POC1A: variants seen among roughly 807,000 people sequenced by gnomAD.
The protein encoded by POC1A is POC1 centriolar protein A, also known as POC1 centriolar protein homolog A.
Under a neutral mutation model 47.8 loss-of-function variants are expected in POC1A, and 34 were observed. The observed-to-expected ratio is 0.71, with a 90% CI of 0.54 to 0.95. POC1A has a LOEUF of 0.95. POC1A is among the 40% of genes least tolerant of loss of function. The pLI, the probability that POC1A is intolerant of heterozygous loss-of-function variation, is 0.00. For missense variants in POC1A, 466 were observed against 528.3 expected, an observed-to-expected ratio of 0.88 and a Z score of 1.16; for synonymous variants, 177 against 207.6, an observed-to-expected ratio of 0.85 and a Z score of 1.27.
chr3:52,139,826 G>A (rs771500476), intron 6 of POC1A, among the ~76,000 whole-genome samples: 21 of 152,194 alleles, frequency 1.4e-4, no homozygotes, highest in Non-Finnish European at 2.6e-4. Context: ...GCATGTTCTA[G>A]GTGAAGCTGG....
Position 52,109,547 on chromosome 3 carries a change from G to A in POC1A, c.981+12832C>T, listed in dbSNP as rs573856190. ...GAAAGGAGCTGCGGAGCTGATCCAA[G>A]GCAAGTGGGACTCCAAGAGGAAGCT... On this transcript the variant is annotated intron_variant, in intron 9 of 10. Coordinates refer to ENST00000296484, the MANE Select transcript of POC1A (RefSeq NM_015426.5). 5.5e-4 allele frequency among the ~76,000 whole-genome samples: 84 copies of A among 152,082 alleles called. 2 individuals are homozygous for A. The South Asian group carries it at 0.017, about 30-fold the overall frequency.
intron 7 of POC1A, among the ~76,000 whole-genome samples, chr3:52,137,648 G>A (rs1057422342): frequency 1.3e-5 from 2 of 152,150 alleles, no homozygotes; most frequent in South Asian, 2.1e-4. Context: ...CCAGGGAACC[G>A]GCTGCTTTGA....
At chr3:52,118,128 T>C (rs923243849) in intron 9 of POC1A, among the ~76,000 whole-genome samples, 15 of 152,054 alleles carry the variant, frequency 9.9e-5, no homozygotes, top group African/African-American at 3.1e-4. Flanking sequence ...CTCAAGCCCC[T>C]CTGGGAGGTG....
At chr3:52,106,075 G>T (rs937982641) in intron 9 of POC1A, among the ~76,000 whole-genome samples, 1 of 149,984 alleles carries the variant, frequency 6.7e-6, no homozygotes, top group Non-Finnish European at 1.5e-5. Context: ...GGCGCCTGTA[G>T]TCCCACCTAC....
At chr3:52,078,100 C>G (rs1702173621) in intron 10 of POC1A, among the ~76,000 whole-genome samples, 1 of 152,142 alleles carries the variant, frequency 6.6e-6, no homozygotes, top group East Asian at 1.9e-4. Context: ...TTTTATGAGG[C>G]CCAACACCCC....
intron 3 of POC1A, 125 bp from the exon 4 acceptor site, chr3:52,149,514 T>C: frequency 2.4e-6 from 2 of 838,448 alleles, no homozygotes; most frequent in Non-Finnish European, 1.9e-6. Context: ...AGTACCCCAG[T>C]CTCCACAAGG....
Position 52,127,699 on chromosome 3 carries a change from C to CT in POC1A, c.814-2519dup, listed in dbSNP as rs1270637480. Among the ~76,000 whole-genome samples, 582 of 141,702 alleles carry CT rather than the reference C, an allele frequency of 4.1e-3. 1 individual carries two copies. Among genetic ancestry groups the CT allele is most frequent in the South Asian group, 0.013 (60 of 4,460 alleles). The allele number at this position is 141,702 out of a possible 152,430, so 93.0% of individuals were successfully genotyped here. On this transcript the variant is annotated intron_variant, in intron 7 of 10. Transcript: ENST00000296484. ...TGGGCCACTGCACCCAGTCACAAAC[C>CT]TTTTTTTTTTTTTTGAGACAAAGTC... is the stretch of plus-strand genomic sequence containing the variant.
At chr3:52,148,648 C>A (rs1005532066) in intron 4 of POC1A, among the ~76,000 whole-genome samples, 1 of 152,226 alleles carries the variant, frequency 6.6e-6, no homozygotes, top group African/African-American at 2.4e-5. Context: ...ATCTCCGAAG[C>A]CTGCGCCCCC....
intron 7 of POC1A, among the ~76,000 whole-genome samples, chr3:52,129,183 G>A (rs1352716658): frequency 6.6e-6 from 1 of 152,200 alleles, no homozygotes; most frequent in East Asian, 1.9e-4. Flanking sequence ...AGAGGCTGAG[G>A]CAGGAGAATC....
rs1448688872 is a variant in POC1A at position 52,079,169 on chromosome 3, C to T, written c.1126-3184G>A. 6.6e-6 allele frequency among the ~76,000 whole-genome samples: 1 copy of T among 152,236 alleles called. No individual in the cohort carries two copies. Among genetic ancestry groups the T allele is most frequent in the Non-Finnish European group, 1.5e-5 (1 of 68,036 alleles). ...CAGAATGTATATGATCTTTACCTGT[C>T]GGTTCACAACAAAAAGTAAGCACAT... On this transcript the variant is annotated intron_variant, in intron 10 of 10. Transcript: ENST00000296484. This position sits in a 1 kb window ranked among gnomAD's most constrained non-coding sequence, Gnocchi z 4.6.
Position 52,090,574 on chromosome 3 carries a change from T to A in POC1A, c.1125+5995A>T, listed in dbSNP as rs1315264077. ...AGCCCTCTGGCCTCTTGAGGGTCCA[T>A]GAAGGAAGCCACAGAGCCAGCGTGG... On this transcript the variant is annotated intron_variant, in intron 10 of 10. Coordinates refer to ENST00000296484, the MANE Select transcript of POC1A (RefSeq NM_015426.5). This position sits in a 1 kb window ranked among gnomAD's most constrained non-coding sequence, Gnocchi z 4.2. Among the ~76,000 whole-genome samples the A allele has an allele frequency of 6.6e-6, 1 of 151,898 alleles. No individual in the cohort carries two copies. The highest frequency in any genetic ancestry group is 2.4e-5 in the African/African-American group (1 of 41,324).
chr3:52,101,744 T>G (rs1703010701), intron 9 of POC1A, among the ~76,000 whole-genome samples: 1 of 152,148 alleles, frequency 6.6e-6, no homozygotes, highest in Admixed American at 6.6e-5. Context: ...GACAATACTG[T>G]CTCTAACACA....
intron 10 of POC1A, among the ~76,000 whole-genome samples, chr3:52,086,341 T>C (rs1702456199): frequency 6.6e-6 from 1 of 152,206 alleles, no homozygotes; most frequent in Non-Finnish European, 1.5e-5. Context: ...TAACTTTCCT[T>C]TGGCTTCATT....
intron 7 of POC1A, among the ~76,000 whole-genome samples, chr3:52,127,668 T>C (rs1212870559): frequency 6.6e-6 from 1 of 151,740 alleles, no homozygotes; most frequent in East Asian, 1.9e-4. Context: ...GCTGGGATTA[T>C]AGATGTGGGC....
chr3:52,147,084 T>C lies in POC1A; in HGVS notation c.467A>G (p.Asp156Gly). The change falls in exon 5 of 11, where the codon GAC becomes GGC. Residue 156 changes from aspartate (D) to glycine (G), a missense_variant. Coordinates refer to ENST00000296484, the MANE Select transcript of POC1A (RefSeq NM_015426.5). ...ACTGGCAGACACGATGAGCCGCCCG[T>C]CGGGGGAGAACCTGAACCGGGTGGG... is the stretch of plus-strand genomic sequence containing the variant. Reference protein sequence around the residue: ...NWVRCAKFSPDGRLIVSASDD... With the variant: ...NWVRCAKFSPGGRLIVSASDD... The C allele has an allele frequency of 6.2e-7, 1 of 1,613,956 alleles. No homozygotes were observed. The highest frequency in any genetic ancestry group is 1.7e-5 in the Admixed American group (1 of 60,022).
rs946701355 is a variant in POC1A at position 52,084,276 on chromosome 3, T to C, written c.1126-8291A>G. Among the ~76,000 whole-genome samples the C allele has an allele frequency of 6.6e-6, 1 of 152,196 alleles. No individual in the cohort carries two copies. Among genetic ancestry groups the C allele is most frequent in the Non-Finnish European group, 1.5e-5 (1 of 68,020 alleles). The stretch of plus-strand genomic sequence containing the variant: ...CTTCCAGGAGCTGCTCCTCCTCCCA[T>C]GACCATTGTTGTCACCACCTTTGCT... On this transcript the variant is annotated intron_variant, in intron 10 of 10. Coordinates refer to ENST00000296484, the MANE Select transcript of POC1A (RefSeq NM_015426.5). The surrounding 1 kb of genome is among the most constrained non-coding windows in gnomAD (Gnocchi z 4.3).
chr3:52,135,483 A>G (rs959291368), intron 7 of POC1A, among the ~76,000 whole-genome samples: 1 of 152,176 alleles, frequency 6.6e-6, no homozygotes, highest in African/African-American at 2.4e-5. Context: ...TCCCAGGCTC[A>G]AGCAATCTTC....
chr3:52,154,405 T>TGGCCGTTGCGGC lies in POC1A; in HGVS notation c.-45_-34dup. 6.9e-7 allele frequency: 1 copy of TGGCCGTTGCGGC among 1,441,124 alleles called. No individual in the cohort carries two copies. The highest frequency in any genetic ancestry group is 9.1e-7 in the Non-Finnish European group (1 of 1,103,284). The allele number at this position is 1,441,124 out of a possible 1,614,324, so 89.3% of individuals were successfully genotyped here. A position where few individuals can be genotyped will look rare whatever the true frequency, so the allele number is the denominator to read the frequency against. The stretch of plus-strand genomic sequence containing the variant: ...CTGGCGGCGCCGAAGGCAGCTGCGG[T>TGGCCGTTGCGGC]GGCCGTTGCGGCCCGTTCAGTTTCC... On this transcript the variant is annotated 5_prime_UTR_variant, in exon 1 of 11. Coordinates refer to ENST00000296484, the MANE Select transcript of POC1A (RefSeq NM_015426.5).
chr3:52,099,759 G>A (rs1345843784), intron 9 of POC1A, among the ~76,000 whole-genome samples: 1 of 152,142 alleles, frequency 6.6e-6, no homozygotes, highest in African/African-American at 2.4e-5. Context: ...GCTGAGGCAG[G>A]AGAATCACTT....
Sources: gnomAD v4.1 joint callset for allele counts (sites outside exome capture counted in the v4.1 genomes callset) on GRCh38, gnomAD v4.1.1 for gene constraint, Gnocchi (gnomAD v3.1) non-coding constraint, MANE v1.5 for transcripts, NCBI Gene and HGNC (gene_info 2026-07-23, HGNC 2026-07-21) for gene names.